NRXN3: variants seen among roughly 807,000 people sequenced by gnomAD.
NRXN3 encodes neurexin 3.
In NRXN3, 32 loss-of-function variants were observed where a neutral mutation model predicts 137.6. That is an observed-to-expected ratio of 0.23 (90% CI 0.18 to 0.31). The LOEUF (loss-of-function observed/expected upper bound fraction) is 0.31. Ranked by LOEUF, NRXN3 falls within the 10% of genes least tolerant of loss-of-function variation. The probability of loss-of-function intolerance (pLI) is 1.00; values close to 1 mark genes in which losing one functional copy is unlikely to be tolerated. For missense variants in NRXN3, 1,574 were observed against 2,062.5 expected (o/e 0.76, Z 4.59); for synonymous variants, 798 against 784.5 (o/e 1.02, Z -0.29).
intron 15 of NRXN3, among the ~76,000 whole-genome samples, chr14:79,275,894 C>T (rs1183720644): frequency 6.6e-6 from 1 of 152,078 alleles, no homozygotes; most frequent in Non-Finnish European, 1.5e-5. Context: ...TGGAGCTAAG[C>T]GTGGTTGTTC....
chr14:78,411,763 A>G (rs1404464048), intron 4 of NRXN3, among the ~76,000 whole-genome samples: 3 of 152,264 alleles, frequency 2.0e-5, no homozygotes, highest in African/African-American at 7.2e-5. Context: ...CTATCCAAGC[A>G]TGGGGCCAGG....
chr14:79,616,317 A>C (rs1042095343), intron 16 of NRXN3, among the ~76,000 whole-genome samples: 2 of 152,090 alleles, frequency 1.3e-5, no homozygotes, highest in African/African-American at 4.8e-5. Context: ...GAAATCTTTA[A>C]GGGGTACATT....
chr14:78,433,165 A>G lies in NRXN3; in HGVS notation c.757+135305A>G, dbSNP rs549185813. ...TTGTTGGCCAAATTCTATGCCTCAC[A>G]GTTATGGGATTGAAGTCCCCATTTT... On this transcript the variant is annotated intron_variant, in intron 4 of 20. Coordinates refer to ENST00000335750, the MANE Select transcript of NRXN3 (RefSeq NM_001330195.2). Among the ~76,000 whole-genome samples the G allele has an allele frequency of 2.6e-5, 4 of 152,254 alleles. No individual in the cohort carries two copies. In the East Asian group the frequency reaches 7.7e-4, roughly 29 times the overall value.
intron 15 of NRXN3, among the ~76,000 whole-genome samples, chr14:79,364,229 C>T (rs2093791120): frequency 6.6e-6 from 1 of 152,120 alleles, no homozygotes; most frequent in Admixed American, 6.6e-5. Context: ...CTTAAAATAT[C>T]CTCCTTTTTT....
intron 4 of NRXN3, among the ~76,000 whole-genome samples, chr14:78,425,378 T>A (rs768519484): frequency 1.3e-5 from 2 of 152,224 alleles, no homozygotes; most frequent in Non-Finnish European, 2.9e-5. Flanking sequence ...TGTCCAGGAA[T>A]CTTGGTGGCA....
intron 4 of NRXN3, among the ~76,000 whole-genome samples, chr14:78,501,567 C>T (rs538190841): frequency 6.6e-6 from 1 of 152,108 alleles, no homozygotes; most frequent in Non-Finnish European, 1.5e-5. Flanking sequence ...TAGGTCTAGC[C>T]CACACTCAGG....
At chr14:79,390,990 A>G (rs1032613886) in intron 15 of NRXN3, among the ~76,000 whole-genome samples, 3 of 152,256 alleles carry the variant, frequency 2.0e-5, no homozygotes, top group Admixed American at 6.5e-5. Flanking sequence ...TCATGGGATG[A>G]GGCAGCAAGG....
At chr14:79,543,359 T>G (rs2097291542) in intron 16 of NRXN3, among the ~76,000 whole-genome samples, 1 of 152,192 alleles carries the variant, frequency 6.6e-6, no homozygotes, top group Admixed American at 6.5e-5. Context: ...CCATTGAGAT[T>G]GGAAACACAG....
intron 15 of NRXN3, among the ~76,000 whole-genome samples, chr14:79,122,392 TAAC>T (rs1381522469): frequency 6.6e-6 from 1 of 152,174 alleles, no homozygotes; most frequent in Admixed American, 6.5e-5. Flanking sequence ...GCAGTGCTAT[TAAC>T]AATGTACACA....
intron 15 of NRXN3, among the ~76,000 whole-genome samples, chr14:79,046,245 C>T (rs1421620609): frequency 1.3e-5 from 2 of 152,096 alleles, no homozygotes; most frequent in African/African-American, 4.8e-5. Flanking sequence ...GTAGTAGCTG[C>T]AGCTTATGCT....
At chr14:78,368,357 G>A (rs554168230) in intron 4 of NRXN3, among the ~76,000 whole-genome samples, 168 of 152,314 alleles carry the variant, frequency 1.1e-3, no homozygotes, top group Non-Finnish European at 2.0e-3. Flanking sequence ...GGGGTTAAAC[G>A]TGGGTGCCCT....
At chr14:79,706,529 C>G (rs1038747764) in intron 19 of NRXN3, among the ~76,000 whole-genome samples, 1 of 149,966 alleles carries the variant, frequency 6.7e-6, no homozygotes, top group African/African-American at 2.5e-5. Context: ...CCACAAGAGG[C>G]CTCTGAGGAG....
chr14:78,905,107 C>T (rs2099211243), intron 10 of NRXN3, among the ~76,000 whole-genome samples: 1 of 152,012 alleles, frequency 6.6e-6, no homozygotes, highest in Non-Finnish European at 1.5e-5. Context: ...CAGGATTTGG[C>T]CTGCACCCTG....
chr14:78,988,696 A>G (rs2153070081), intron 15 of NRXN3, among the ~76,000 whole-genome samples: 1 of 152,326 alleles, frequency 6.6e-6, no homozygotes, highest in African/African-American at 2.4e-5. Context: ...TATAGGGTAG[A>G]AATTCTCTCT....
At chr14:78,852,775 A>G (rs1307863048) in intron 10 of NRXN3, among the ~76,000 whole-genome samples, 1 of 152,152 alleles carries the variant, frequency 6.6e-6, no homozygotes, top group Non-Finnish European at 1.5e-5. Flanking sequence ...TTTCTCATAT[A>G]TAAAATAAGA....
intron 4 of NRXN3, among the ~76,000 whole-genome samples, chr14:78,394,071 C>T (rs2091140568): frequency 1.3e-5 from 2 of 151,834 alleles, no homozygotes; most frequent in Admixed American, 1.3e-4. Flanking sequence ...TTGTTTCTTC[C>T]AGAGCCGTAT....
At chr14:78,200,252 G>A (rs1172326397) in intron 1 of NRXN3, among the ~76,000 whole-genome samples, 1 of 152,214 alleles carries the variant, frequency 6.6e-6, no homozygotes, top group Non-Finnish European at 1.5e-5. Flanking sequence ...AATAGGTTAT[G>A]TTGTAGCATG....
chr14:78,411,645 G>C (rs982910256), intron 4 of NRXN3, among the ~76,000 whole-genome samples: 2 of 152,146 alleles, frequency 1.3e-5, no homozygotes, highest in Admixed American at 6.5e-5. Context: ...TCTCTGGAAG[G>C]GTATAGGCCC....
At chr14:78,490,152 A>G (rs184381828) in intron 4 of NRXN3, among the ~76,000 whole-genome samples, 1 of 151,458 alleles carries the variant, frequency 6.6e-6, no homozygotes, top group African/African-American at 2.4e-5. Flanking sequence ...TGATCTTGTG[A>G]TCCACCCACC....
Sources: allele counts gnomAD v4.1 joint callset (sites outside exome capture counted in the v4.1 genomes callset), GRCh38; gene constraint gnomAD v4.1.1; transcripts MANE v1.5; gene names NCBI Gene and HGNC (gene_info 2026-07-23, HGNC 2026-07-21).